TENM2: variants seen among roughly 807,000 people sequenced by gnomAD.
TENM2 encodes the protein teneurin transmembrane protein 2.
TENM2 carries 52 observed loss-of-function variants against 245.2 expected under a neutral mutation model. The ratio of observed to expected loss-of-function variants is 0.21; its 90% CI spans 0.17 to 0.27. The LOEUF (loss-of-function observed/expected upper bound fraction) is 0.27. Among genes scored for constraint, TENM2 ranks in the 10% least tolerant of loss-of-function variants. The pLI, the probability that TENM2 is intolerant of heterozygous loss-of-function variation, is 1.00. For synonymous variants in TENM2, 1,363 were observed against 1,438.9 expected (o/e 0.95, Z 1.19); for missense variants, 3,046 against 3,666.8 (o/e 0.83, Z 4.37).
At chr5:167,367,835 A>G (rs1251458968) in intron 1 of TENM2, among the ~76,000 whole-genome samples, 1 of 152,122 alleles carries the variant, frequency 6.6e-6, no homozygotes, top group Non-Finnish European at 1.5e-5. Flanking sequence ...CAACTGCTAC[A>G]TTTTTCTTGA....
chr5:167,170,133 T>G, the TENM2 span, among the ~76,000 whole-genome samples: 1 of 152,232 alleles, frequency 6.6e-6, no homozygotes, highest in South Asian at 2.1e-4. Flanking sequence ...GTCTTCTTTC[T>G]AGAGAATAGC....
At chr5:167,553,712 A>G (rs576210250) in intron 2 of TENM2, among the ~76,000 whole-genome samples, 2 of 152,228 alleles carry the variant, frequency 1.3e-5, no homozygotes, top group Non-Finnish European at 2.9e-5. Flanking sequence ...TAATGAGACC[A>G]GCACAAAATC....
chr5:168,148,878 G>C lies in TENM2; in HGVS notation c.2423-13733G>C, dbSNP rs532220449. On this transcript the variant is annotated intron_variant, in intron 12 of 28. Coordinates refer to ENST00000518659, the Ensembl canonical transcript of TENM2. ...TAAATAAATATAAATATATATGATAGATAGATAGATAGATAGATAGATAGA... is the reference window on the plus strand; with the variant it reads ...TAAATAAATATAAATATATATGATACATAGATAGATAGATAGATAGATAGA... Among the ~76,000 whole-genome samples the C allele has an allele frequency of 5.4e-4, 57 of 105,028 alleles. No homozygotes were observed. The South Asian group carries it at 0.016, about 30-fold the overall frequency. 68.9% of individuals were successfully genotyped at this position (105,028 alleles called of 152,430 possible).
chr5:167,585,861 C>T (rs977899934), intron 2 of TENM2, among the ~76,000 whole-genome samples: 2 of 152,108 alleles, frequency 1.3e-5, no homozygotes, highest in Non-Finnish European at 2.9e-5. Flanking sequence ...CACGGTGGCT[C>T]ACCCTGTAAT....
chr5:167,258,511 T>G, the TENM2 span, among the ~76,000 whole-genome samples: 1 of 152,000 alleles, frequency 6.6e-6, no homozygotes, highest in South Asian at 2.1e-4. Flanking sequence ...GATCTGTGCT[T>G]AGCCTATGAG....
In TENM2 at chr5:167,622,897, C is replaced by T. The variant is rs1223573088; in HGVS notation, c.502+247424C>T. On this transcript the variant is annotated intron_variant, in intron 2 of 28. Transcript: ENST00000518659. ...ATAATTCCTTCTTCCACGGTCTTGT[C>T]AAAGCTGCATTGTGTTATTATCAGT... Among the ~76,000 whole-genome samples, 3 of 152,094 alleles carry T rather than the reference C, an allele frequency of 2.0e-5. No homozygotes were observed. In the East Asian group the frequency reaches 5.8e-4, roughly 29 times the overall value.
chr5:168,031,922 A>G (rs1361431773), intron 5 of TENM2, among the ~76,000 whole-genome samples: 1 of 152,194 alleles, frequency 6.6e-6, no homozygotes, highest in Non-Finnish European at 1.5e-5. Context: ...CTGCTTCCAA[A>G]GCTACTCTAA....
At chr5:167,035,853 G>A in the TENM2 span, among the ~76,000 whole-genome samples, 2 of 152,090 alleles carry the variant, frequency 1.3e-5, no homozygotes, top group Admixed American at 6.5e-5. Flanking sequence ...AGCGAGTCTC[G>A]TGCCTCAGTC....
At chr5:167,262,237 A>G in the TENM2 span, among the ~76,000 whole-genome samples, 11 of 152,140 alleles carry the variant, frequency 7.2e-5, no homozygotes, top group Non-Finnish European at 1.3e-4. Flanking sequence ...ACATGCCTGT[A>G]ATCCCAGCTA....
chr5:167,226,472 T>C, the TENM2 span, among the ~76,000 whole-genome samples: 1 of 152,048 alleles, frequency 6.6e-6, no homozygotes, highest in East Asian at 1.9e-4. Flanking sequence ...CCTCTTGGTA[T>C]TGATTTCTAG....
intron 8 of TENM2, among the ~76,000 whole-genome samples, chr5:168,094,798 A>G (rs184607840): frequency 2.0e-5 from 3 of 152,232 alleles, no homozygotes; most frequent in Admixed American, 1.3e-4. Context: ...AGAGCAAGAG[A>G]TGAGCAGTAG....
chr5:167,686,905 C>T (rs1049536718), intron 2 of TENM2, among the ~76,000 whole-genome samples: 5 of 152,064 alleles, frequency 3.3e-5, no homozygotes, highest in Admixed American at 6.6e-5. Flanking sequence ...AATAATTCAC[C>T]GAGCACATGT....
At chr5:167,572,831 G>C (rs1056091098) in intron 2 of TENM2, among the ~76,000 whole-genome samples, 3 of 152,210 alleles carry the variant, frequency 2.0e-5, no homozygotes, top group Non-Finnish European at 2.9e-5. Flanking sequence ...TGTAGCAATA[G>C]TGACTCAAAA....
rs112021736 is a variant in TENM2, at chr5:167,292,020, G to C, written c.226+6957G>C. Among the ~76,000 whole-genome samples the C allele has an allele frequency of 3.3e-5, 5 of 152,168 alleles. No homozygotes were observed. In the East Asian group the frequency reaches 9.7e-4, roughly 29 times the overall value. On this transcript the variant is annotated intron_variant, in intron 1 of 28. Coordinates refer to ENST00000518659, the Ensembl canonical transcript of TENM2. ...AAAGGCACATCTTACATGGCGGCAG[G>C]GAAGAGCACCTGTACAGAGGAACTG... is the stretch of plus-strand genomic sequence containing the variant.
At chr5:167,062,115 G>A in the TENM2 span, among the ~76,000 whole-genome samples, 2 of 152,184 alleles carry the variant, frequency 1.3e-5, no homozygotes, top group African/African-American at 4.8e-5. Context: ...TGATTTCAAT[G>A]TTTAATTCCT....
intron 2 of TENM2, chr5:167,755,315 G>T (rs1762238333): frequency 3.0e-6 from 2 of 661,570 alleles, no homozygotes; most frequent in Non-Finnish European, 5.1e-6. Flanking sequence ...AGACTTGACG[G>T]TGAAACTATT....
chr5:167,282,356 A>G (rs2127704755), upstream of TENM2, among the ~76,000 whole-genome samples: 1 of 152,334 alleles, frequency 6.6e-6, no homozygotes, highest in Admixed American at 6.5e-5. Context: ...ATTAGGATTT[A>G]TTATTAGAAC....
rs1381087905 is a variant in TENM2, at chr5:167,778,625, G to A, written c.503-97361G>A. Among the ~76,000 whole-genome samples, 12 of 152,126 alleles carry A rather than the reference G, an allele frequency of 7.9e-5. 1 individual carries two copies. Among genetic ancestry groups the A allele is most frequent in the Admixed American group, 4.6e-4 (7 of 15,282 alleles). ...TAAGAATGATTTCCCACAGTCTCAC[G>A]AAGAAAACACTTGGGTTTTTTTCCC... is the stretch of plus-strand genomic sequence containing the variant. On this transcript the variant is annotated intron_variant, in intron 2 of 28. Coordinates refer to ENST00000518659, the Ensembl canonical transcript of TENM2.
At chr5:166,997,266 T>G in the TENM2 span, among the ~76,000 whole-genome samples, 1 of 152,230 alleles carries the variant, frequency 6.6e-6, no homozygotes, top group Non-Finnish European at 1.5e-5. Context: ...CAAGAAGAAC[T>G]GATATTTATT....
Sources: gnomAD v4.1 joint callset for allele counts (sites outside exome capture counted in the v4.1 genomes callset) on GRCh38, gnomAD v4.1.1 for gene constraint, MANE v1.5 for transcripts, NCBI Gene and HGNC (gene_info 2026-07-23, HGNC 2026-07-21) for gene names.